ATP8A2: variants seen among roughly 807,000 people sequenced by gnomAD.
The protein encoded by ATP8A2 is ATPase phospholipid transporting 8A2.
A neutral mutation model predicts 165.6 loss-of-function variants in ATP8A2; 100 were observed. The ratio of observed to expected loss-of-function variants is 0.60; its 90% CI spans 0.51 to 0.71. The LOEUF (loss-of-function observed/expected upper bound fraction) is 0.71, where lower values mean the gene tolerates loss of function less well. ATP8A2 is among the 30% of genes least tolerant of loss of function. ATP8A2 has a pLI of 0.00. For missense variants in ATP8A2, 1,227 were observed against 1,479.5 expected (o/e 0.83, Z 2.80); for synonymous variants, 543 against 548.8 (o/e 0.99, Z 0.15).
At chr13:25,382,832 T>G (rs1488734504) in intron 1 of ATP8A2, among the ~76,000 whole-genome samples, 2 of 151,998 alleles carry the variant, frequency 1.3e-5, no homozygotes, top group Admixed American at 6.5e-5. Flanking sequence ...CTCAGCTCAC[T>G]GCAAGCTCCG....
chr13:25,539,375 A>G (rs1304395697), intron 7 of ATP8A2, among the ~76,000 whole-genome samples: 1 of 151,664 alleles, frequency 6.6e-6, no homozygotes, highest in East Asian at 1.9e-4. Context: ...GGCATCTCAA[A>G]GTGCTGGGGT....
chr13:25,568,524 T>A (rs1424029160), intron 16 of ATP8A2, among the ~76,000 whole-genome samples: 2 of 152,186 alleles, frequency 1.3e-5, no homozygotes, highest in Non-Finnish European at 2.9e-5. Flanking sequence ...AAAAATATAG[T>A]ATCATCCTGT....
intron 2 of ATP8A2, among the ~76,000 whole-genome samples, chr13:25,473,996 A>G (rs1188920331): frequency 6.6e-6 from 1 of 152,230 alleles, no homozygotes; most frequent in Non-Finnish European, 1.5e-5. Flanking sequence ...TGCCATTTGA[A>G]ATAGTGAATT....
At chr13:25,679,981 G>A (rs932290586) in intron 24 of ATP8A2, among the ~76,000 whole-genome samples, 3 of 152,192 alleles carry the variant, frequency 2.0e-5, no homozygotes, top group African/African-American at 7.2e-5. Context: ...GTGATTCACA[G>A]TAGCTTCTAG....
intron 33 of ATP8A2, among the ~76,000 whole-genome samples, chr13:25,879,868 C>T (rs1952926383): frequency 6.6e-6 from 1 of 152,206 alleles, no homozygotes; most frequent in Non-Finnish European, 1.5e-5. Context: ...AATATCTTCT[C>T]CCAGTGAGAA....
intron 1 of ATP8A2, among the ~76,000 whole-genome samples, chr13:25,421,444 C>G (rs2034295382): frequency 6.6e-6 from 1 of 152,188 alleles, no homozygotes; most frequent in Non-Finnish European, 1.5e-5. Flanking sequence ...AAATCATCCT[C>G]CCACCTCAGC....
intron 24 of ATP8A2, among the ~76,000 whole-genome samples, chr13:25,623,520 G>T (rs2041026001): frequency 6.6e-6 from 1 of 151,964 alleles, no homozygotes; most frequent in Non-Finnish European, 1.5e-5. Flanking sequence ...AAGAAGAAAA[G>T]ATTTGAAAGG....
At position 25,553,800 on chromosome 13, in the gene ATP8A2, C is replaced by G. The variant is rs753383099; in HGVS notation, c.1065C>G (p.Thr355=). ...TCTGGTTTCCTTCCACAGACACCACCTCAGATAATTTTGGATACAACCTAC... is the reference window on the plus strand; with the variant it reads ...TCTGGTTTCCTTCCACAGACACCACGTCAGATAATTTTGGATACAACCTAC... ...KNWYIKKMDT[T]SDNFGYNLLT... Residue 355 remains threonine, a synonymous_variant, in exon 12 of 37, where the codon ACC becomes ACG. Coordinates refer to ENST00000381655, the MANE Select transcript of ATP8A2 (RefSeq NM_016529.6). The G allele has an allele frequency of 6.2e-7, 1 of 1,612,742 alleles. No homozygotes were observed. Among genetic ancestry groups the G allele is most frequent in the Non-Finnish European group, 8.5e-7 (1 of 1,179,522 alleles).
At chr13:25,868,546 G>A (rs1243163406) in intron 33 of ATP8A2, among the ~76,000 whole-genome samples, 1 of 148,780 alleles carries the variant, frequency 6.7e-6, no homozygotes, top group Non-Finnish European at 1.5e-5. Flanking sequence ...TCACATTCTG[G>A]CTTTTCAACT....
At chr13:25,503,256 C>T (rs766450353) in intron 2 of ATP8A2, among the ~76,000 whole-genome samples, 1 of 152,134 alleles carries the variant, frequency 6.6e-6, no homozygotes, top group Non-Finnish European at 1.5e-5. Flanking sequence ...GTCCAAGGCT[C>T]CTTCTGTGGA....
intron 2 of ATP8A2, among the ~76,000 whole-genome samples, chr13:25,524,352 T>TAAC (rs2037767123): frequency 1.3e-5 from 2 of 152,164 alleles, no homozygotes; most frequent in Non-Finnish European, 2.9e-5. Context: ...GGGTGAAATA[T>TAAC]TCTGTAAATG....
chr13:25,979,197 G>A (rs1455912621), intron 35 of ATP8A2, among the ~76,000 whole-genome samples: 3 of 152,190 alleles, frequency 2.0e-5, no homozygotes, highest in African/African-American at 4.8e-5. Context: ...TGGTTGAGAG[G>A]AACTTGGAGA....
At chr13:25,843,796 C>G (rs948726008) in intron 30 of ATP8A2, among the ~76,000 whole-genome samples, 1 of 152,156 alleles carries the variant, frequency 6.6e-6, no homozygotes, top group Non-Finnish European at 1.5e-5. Context: ...CTAGCATCCC[C>G]CTTGTAGTGG....
At chr13:25,390,390 G>T (rs188788026) in intron 1 of ATP8A2, among the ~76,000 whole-genome samples, 225 of 152,274 alleles carry the variant, frequency 1.5e-3, no homozygotes, top group Non-Finnish European at 2.4e-3. Context: ...TAGTGTATGG[G>T]TGTATAATGT....
intron 24 of ATP8A2, among the ~76,000 whole-genome samples, chr13:25,630,700 CT>C (rs1244322873): frequency 1.3e-5 from 2 of 152,184 alleles, no homozygotes; most frequent in African/African-American, 4.8e-5. Context: ...AAATATGCTT[CT>C]TAATAATACA....
At position 25,378,881 on chromosome 13, in the gene ATP8A2, T is replaced by C. The variant is rs79482742; in HGVS notation, c.76+6593T>C. 6.0e-3 allele frequency among the ~76,000 whole-genome samples: 921 copies of C among 152,378 alleles called. 10 individuals carry two copies. The highest frequency in any genetic ancestry group is 0.02 in the African/African-American group (851 of 41,584). ...GTGAGAACAAAGATAATAAAGGTAA[T>C]TACTAATATGCCTTTAGTGTTTTTC... On this transcript the variant is annotated intron_variant, in intron 1 of 36. Coordinates refer to ENST00000381655, the MANE Select transcript of ATP8A2 (RefSeq NM_016529.6).
intron 25 of ATP8A2, among the ~76,000 whole-genome samples, chr13:25,767,984 T>G (rs554476071): frequency 6.6e-6 from 1 of 150,540 alleles, no homozygotes; most frequent in South Asian, 2.1e-4. Flanking sequence ...TTCTAGCTGA[T>G]GCGTGAAGTC....
chr13:25,465,737 T>TTCTTTCTTTCTTTCCC lies in ATP8A2; in HGVS notation c.77-3238_77-3237insTTTCTTTCTTTCCCTC, dbSNP rs1555274928. On this transcript the variant is annotated intron_variant, in intron 1 of 36. Transcript: ENST00000381655. ...TTTCTTTCTTTCTTTCTTTCTTTCT[T>TTCTTTCTTTCTTTCCC]TCCCTCCCTCCCTCTCTCTCTCTCT... 1.8e-3 allele frequency among the ~76,000 whole-genome samples: 10 copies of TTCTTTCTTTCTTTCCC among 5,616 alleles called. 1 individual carries two copies. Among genetic ancestry groups the TTCTTTCTTTCTTTCCC allele is most frequent in the African/African-American group, 2.5e-3 (8 of 3,186 alleles). 3.7% of individuals were successfully genotyped at this position (5,616 alleles called of 152,430 possible).
At chr13:25,752,693 A>T (rs1448977026) in intron 25 of ATP8A2, among the ~76,000 whole-genome samples, 1 of 152,160 alleles carries the variant, frequency 6.6e-6, no homozygotes, top group Non-Finnish European at 1.5e-5. Flanking sequence ...GCATAGCTCA[A>T]TGCAGCCTCT....
Sources: allele counts gnomAD v4.1 joint callset (sites outside exome capture counted in the v4.1 genomes callset), GRCh38; gene constraint gnomAD v4.1.1; transcripts MANE v1.5; gene names NCBI Gene and HGNC (gene_info 2026-07-23, HGNC 2026-07-21).